HCRTR2: variants seen among roughly 807,000 people sequenced by gnomAD.
HCRTR2 encodes the protein orexin receptor type 2.
A neutral mutation model predicts 49.0 loss-of-function variants in HCRTR2; 22 were observed. The ratio of observed to expected loss-of-function variants is 0.45; its 90% CI spans 0.32 to 0.64. The LOEUF (loss-of-function observed/expected upper bound fraction) is 0.64. HCRTR2 is among the 30% of genes least tolerant of loss of function. The pLI is 0.04. For synonymous variants in HCRTR2, 236 were observed against 205.3 expected, an observed-to-expected ratio of 1.15 and a Z score of -1.28; for missense variants, 491 against 559.4, an observed-to-expected ratio of 0.88 and a Z score of 1.23.
chr6:55,170,734 T>TCCCCCCCC (rs11432290), upstream of HCRTR2, among the ~76,000 whole-genome samples: 1 of 107,270 alleles, frequency 9.3e-6, no homozygotes, highest in Non-Finnish European at 1.8e-5. Flanking sequence ...CCCTCCCCCC[T>TCCCCCCCC]CCCCCACCCC....
At chr6:55,158,279 A>C (rs1764757418) in intron 1 of HCRTR2, among the ~76,000 whole-genome samples, 1 of 152,184 alleles carries the variant, frequency 6.6e-6, no homozygotes, top group Non-Finnish European at 1.5e-5. Context: ...TGGTCCAGAT[A>C]CTATGCTTTT....
intron 1 of HCRTR2, among the ~76,000 whole-genome samples, chr6:55,169,463 A>T (rs1554169411): frequency 6.6e-6 from 1 of 151,802 alleles, no homozygotes; most frequent in Non-Finnish European, 1.5e-5. Flanking sequence ...AGGTTATTTC[A>T]TTCTCTGTAG....
At chr6:55,205,523 T>G (rs1765585446) in intron 1 of HCRTR2, among the ~76,000 whole-genome samples, 2 of 152,108 alleles carry the variant, frequency 1.3e-5, no homozygotes, top group African/African-American at 2.4e-5. Context: ...GAAAGTGCTT[T>G]TAGTGTAGTA....
intron 1 of HCRTR2, among the ~76,000 whole-genome samples, chr6:55,236,663 G>T (rs1318108794): frequency 6.6e-6 from 1 of 152,074 alleles, no homozygotes; most frequent in Non-Finnish European, 1.5e-5. Context: ...GAATTTAGCT[G>T]TCAATCCCAA....
chr6:55,162,139 A>G (rs1469443492), intron 1 of HCRTR2, among the ~76,000 whole-genome samples: 1 of 152,152 alleles, frequency 6.6e-6, no homozygotes, highest in African/African-American at 2.4e-5. Flanking sequence ...CTTATCCACC[A>G]CGATCAAGTT....
At chr6:55,214,357 G>T (rs1322591323) in intron 1 of HCRTR2, among the ~76,000 whole-genome samples, 2 of 152,072 alleles carry the variant, frequency 1.3e-5, no homozygotes, top group African/African-American at 4.8e-5. Context: ...AAAAGATGGG[G>T]ATCTCACTTT....
At chr6:55,284,123 G>A (rs979093928), downstream of HCRTR2, among the ~76,000 whole-genome samples, 8 of 152,076 alleles carry the variant, frequency 5.3e-5, no homozygotes, top group Admixed American at 1.3e-4. Flanking sequence ...TTCAAATAAC[G>A]TTGATAATAT....
chr6:55,268,384 A>G (rs1312944008), intron 4 of HCRTR2, among the ~76,000 whole-genome samples: 3 of 152,072 alleles, frequency 2.0e-5, no homozygotes, highest in Non-Finnish European at 4.4e-5. Context: ...TGGATACAAT[A>G]CTTCAATCAA....
At chr6:55,224,483 C>T (rs1765958922) in intron 1 of HCRTR2, among the ~76,000 whole-genome samples, 1 of 151,922 alleles carries the variant, frequency 6.6e-6, no homozygotes, top group African/African-American at 2.4e-5. Context: ...ATTAGCCGGG[C>T]ATGGTGGTGG....
At chr6:55,248,918 C>T (rs1766497899) in intron 2 of HCRTR2, 101 bp downstream of exon 2, 4 of 978,764 alleles carry the variant, frequency 4.1e-6, no homozygotes, top group Admixed American at 1.8e-5. Context: ...AATATATTTG[C>T]CTAAGGCATT....
intron 1 of HCRTR2, among the ~76,000 whole-genome samples, chr6:55,231,400 C>T (rs1033331180): frequency 4.6e-5 from 7 of 152,094 alleles, no homozygotes; most frequent in Admixed American, 2.0e-4. Context: ...CTGCATTATT[C>T]TCTTTGTTTC....
intron 1 of HCRTR2, among the ~76,000 whole-genome samples, chr6:55,141,941 A>G (rs1764513090): frequency 6.6e-6 from 1 of 152,190 alleles, no homozygotes; most frequent in Non-Finnish European, 1.5e-5. Flanking sequence ...GATGTCAAAC[A>G]CCAAGAAATG....
intron 1 of HCRTR2, among the ~76,000 whole-genome samples, chr6:55,236,190 A>G (rs7754431): frequency 6.6e-6 from 1 of 151,850 alleles, no homozygotes; most frequent in East Asian, 1.9e-4. Context: ...CATATTTTAC[A>G]GTGCAGAAAT....
chr6:55,262,534 T>C (rs1257667239), intron 3 of HCRTR2, among the ~76,000 whole-genome samples: 2 of 131,170 alleles, frequency 1.5e-5, no homozygotes, highest in African/African-American at 2.9e-5. Context: ...ATATAATATA[T>C]ATAATATAAT....
intron 1 of HCRTR2, among the ~76,000 whole-genome samples, chr6:55,186,576 G>A (rs1272922080): frequency 1.3e-5 from 2 of 152,146 alleles, no homozygotes; most frequent in African/African-American, 4.8e-5. Flanking sequence ...TCTCAAGTAA[G>A]ATACACCAAG....
At chr6:55,187,045 T>C (rs1320728714) in intron 1 of HCRTR2, among the ~76,000 whole-genome samples, 1 of 152,022 alleles carries the variant, frequency 6.6e-6, no homozygotes, top group African/African-American at 2.4e-5. Flanking sequence ...AATTCTGCCT[T>C]CAAACTCCTA....
chr6:55,190,665 T>C (rs1345808931), intron 1 of HCRTR2, among the ~76,000 whole-genome samples: 2 of 152,222 alleles, frequency 1.3e-5, no homozygotes, highest in African/African-American at 4.8e-5. Context: ...AAATTCTTTT[T>C]TACAGATTAT....
At chr6:55,133,901 A>G (rs1036519640) in intron 1 of HCRTR2, among the ~76,000 whole-genome samples, 5 of 151,854 alleles carry the variant, frequency 3.3e-5, no homozygotes, top group Admixed American at 6.6e-5. Flanking sequence ...TTGCCATAAC[A>G]TAGTATAAAA....
chr6:55,177,293 G>A (rs1429756082), intron 1 of HCRTR2, among the ~76,000 whole-genome samples: 1 of 152,180 alleles, frequency 6.6e-6, no homozygotes, highest in African/African-American at 2.4e-5. Context: ...TGGTTGAACT[G>A]AAATGCATTC....
Sources: gnomAD v4.1 joint callset for allele counts (sites outside exome capture counted in the v4.1 genomes callset) on GRCh38, gnomAD v4.1.1 for gene constraint, MANE v1.5 for transcripts, NCBI Gene and HGNC (gene_info 2026-07-23, HGNC 2026-07-21) for gene names.